Variants in COL4A2 observed in about 807,000 individuals in gnomAD.
COL4A2 encodes the protein collagen alpha-2(IV) chain.
In COL4A2, 99 loss-of-function variants were observed where a neutral mutation model predicts 200.2. The observed-to-expected ratio is 0.49, with a 90% CI of 0.42 to 0.58. COL4A2 has a LOEUF of 0.58. COL4A2 is among the 20% of genes least tolerant of loss of function. The pLI, the probability that COL4A2 is intolerant of heterozygous loss-of-function variation, is 0.00. For missense variants in COL4A2, 1,950 were observed against 2,314.1 expected, an observed-to-expected ratio of 0.84 and a Z score of 3.23; for synonymous variants, 897 against 900.6, an observed-to-expected ratio of 1.00 and a Z score of 0.07.
chr13:110,468,063 A>G lies in COL4A2; in HGVS notation c.2095+967A>G, dbSNP rs1290143013. On this transcript the variant is annotated intron_variant, in intron 27 of 47. Coordinates refer to ENST00000360467, the MANE Select transcript of COL4A2 (RefSeq NM_001846.4). ...TTCCTGCTGCACAAATCATGCCCTC[A>G]CTGCTTCCCGTGATAAACTGTAGAG... The G allele has an allele frequency of 9.1e-6, 4 of 439,788 alleles. No individual in the cohort carries two copies. The Admixed American group carries it at 9.7e-5, about 11-fold the overall frequency. The allele number at this position is 439,788 out of a possible 1,614,324, so 27.2% of individuals were successfully genotyped here. A position where few individuals can be genotyped will look rare whatever the true frequency, so the allele number is the denominator to read the frequency against.
Position 110,465,589 on chromosome 13 carries a change from G to A in COL4A2, c.1961G>A (p.Gly654Glu), listed in dbSNP as rs1882208720. 2 of 1,611,264 alleles carry A rather than the reference G, an allele frequency of 1.2e-6. No individual in the cohort carries two copies. Among genetic ancestry groups the A allele is most frequent in the African/African-American group, 1.3e-5 (1 of 74,644 alleles). Residue 654 changes from glycine (G) to glutamate (E), a missense_variant, in exon 25 of 48, where the codon GGG (glycine) becomes GAG (glutamate). Gly to Glu is a moderately conservative substitution (Grantham distance 98). This residue lies in a region of COL4A2 where 1,385 missense variants were observed against 1,720.5 expected (regional missense o/e 0.80). Transcript: ENST00000360467. ...PGFLGPPGPA[G>E]TPGQIDCDTD... ...TTCCTGGGCCCTCCTGGCCCCGCAG[G>A]GACCCCAGGACAAATAGGTATGAAG... is the stretch of plus-strand genomic sequence containing the variant.
intron 16 of COL4A2, among the ~76,000 whole-genome samples, chr13:110,444,522 A>G (rs1343671179): frequency 1.3e-5 from 2 of 152,224 alleles, no homozygotes; most frequent in Non-Finnish European, 2.9e-5. Flanking sequence ...CGTGAGAGAA[A>G]GTCCGGGTCC....
At chr13:110,420,887 T>C (rs1172705363) in intron 4 of COL4A2, among the ~76,000 whole-genome samples, 1 of 152,234 alleles carries the variant, frequency 6.6e-6, no homozygotes, top group African/African-American at 2.4e-5. Flanking sequence ...CTTTACATTG[T>C]GCACAGCGGA....
chr13:110,413,448 A>G (rs1879924262), intron 4 of COL4A2, among the ~76,000 whole-genome samples: 1 of 152,238 alleles, frequency 6.6e-6, no homozygotes, highest in East Asian at 1.9e-4. Flanking sequence ...CGCCTCCTCC[A>G]GTTGTGAGGA....
At chr13:110,491,547 A>G (rs1389630179) in intron 37 of COL4A2, among the ~76,000 whole-genome samples, 1 of 152,190 alleles carries the variant, frequency 6.6e-6, no homozygotes, top group East Asian at 1.9e-4. Context: ...AGAATTGGAG[A>G]GAAGCATGGG....
chr13:110,357,968 G>C (rs1877359259), intron 4 of COL4A2, among the ~76,000 whole-genome samples: 1 of 152,154 alleles, frequency 6.6e-6, no homozygotes, highest in African/African-American at 2.4e-5. Context: ...CACCACTGTA[G>C]ATCCATCAAC....
At chr13:110,373,191 T>G (rs1878092376) in intron 4 of COL4A2, among the ~76,000 whole-genome samples, 1 of 152,244 alleles carries the variant, frequency 6.6e-6, no homozygotes, top group South Asian at 2.1e-4. Flanking sequence ...ATATTCATAT[T>G]GATGGAACAA....
intron 4 of COL4A2, among the ~76,000 whole-genome samples, chr13:110,370,853 T>G (rs1877973964): frequency 6.6e-6 from 1 of 152,208 alleles, no homozygotes; most frequent in Non-Finnish European, 1.5e-5. Context: ...TAATTCCTAC[T>G]AGTATTTTTG....
At chr13:110,499,458 C>T (rs1883569359) in intron 40 of COL4A2, among the ~76,000 whole-genome samples, 1 of 152,202 alleles carries the variant, frequency 6.6e-6, no homozygotes, top group Non-Finnish European at 1.5e-5. Flanking sequence ...GATAGCCACC[C>T]CCGTGATTCA....
At chr13:110,352,979 G>T (rs958867394) in intron 3 of COL4A2, among the ~76,000 whole-genome samples, 11 of 152,208 alleles carry the variant, frequency 7.2e-5, no homozygotes, top group African/African-American at 2.4e-4. Context: ...GAGCTTCAGT[G>T]GGGTCAGCAG....
intron 40 of COL4A2, among the ~76,000 whole-genome samples, chr13:110,500,306 C>T (rs999931124): frequency 6.6e-6 from 1 of 152,316 alleles, no homozygotes; most frequent in Admixed American, 6.5e-5. Context: ...CCTCCTTGCC[C>T]ACTTGGACAT....
chr13:110,401,961 T>A (rs564096832), intron 4 of COL4A2, among the ~76,000 whole-genome samples: 1 of 152,240 alleles, frequency 6.6e-6, no homozygotes, highest in East Asian at 1.9e-4. Flanking sequence ...AATGACCTAA[T>A]CACTTCCCAA....
chr13:110,430,708 A>G (rs1880647540), intron 10 of COL4A2, 101 bp downstream of exon 10: 2 of 1,467,864 alleles, frequency 1.4e-6, no homozygotes, highest in East Asian at 4.5e-5. Context: ...AGCTTTAAGA[A>G]CAACTATGAT....
chr13:110,428,612 A>G, intron 7 of COL4A2, 29 bp downstream of exon 7: 1 of 1,301,024 alleles, frequency 7.7e-7, no homozygotes, highest in Non-Finnish European at 1.0e-6. Context: ...CCTGTGCTCC[A>G]GGGACGGGCA....
intron 4 of COL4A2, among the ~76,000 whole-genome samples, chr13:110,383,429 C>T (rs1308233074): frequency 1.3e-5 from 2 of 152,064 alleles, no homozygotes; most frequent in African/African-American, 2.4e-5. Context: ...CTGATAAATG[C>T]TAATACTGTA....
At chr13:110,389,380 CTG>C (rs1275629325) in intron 4 of COL4A2, among the ~76,000 whole-genome samples, 2 of 152,224 alleles carry the variant, frequency 1.3e-5, no homozygotes, top group Non-Finnish European at 2.9e-5. Context: ...TCTCCCTAAT[CTG>C]TGCATGTGTG....
chr13:110,324,011 G>A (rs1041306104), intron 3 of COL4A2, among the ~76,000 whole-genome samples: 1 of 152,176 alleles, frequency 6.6e-6, no homozygotes, highest in Admixed American at 6.5e-5. Context: ...AAAAATTATT[G>A]GGTAGACAGA....
intron 12 of COL4A2, among the ~76,000 whole-genome samples, chr13:110,435,925 C>G (rs925966177): frequency 6.6e-6 from 1 of 152,054 alleles, no homozygotes; most frequent in East Asian, 1.9e-4. Flanking sequence ...AGAGTAATAC[C>G]TGTCAAAAAC....
chr13:110,457,924 C>G (rs1219385248), intron 21 of COL4A2, among the ~76,000 whole-genome samples: 1 of 152,112 alleles, frequency 6.6e-6, no homozygotes, highest in Non-Finnish European at 1.5e-5. Flanking sequence ...AGGAGGCGAA[C>G]TTGGAACAGG....
Sources: allele counts gnomAD v4.1 joint callset (sites outside exome capture counted in the v4.1 genomes callset), GRCh38; gene constraint gnomAD v4.1.1; regional missense constraint gnomAD v4.1.1; transcripts MANE v1.5; gene names NCBI Gene and HGNC (gene_info 2026-07-23, HGNC 2026-07-21).